Variants in GRM7 observed in about 807,000 individuals in gnomAD.
GRM7 encodes the protein metabotropic glutamate receptor 7.
A neutral mutation model predicts 84.5 loss-of-function variants in GRM7; 35 were observed. The ratio of observed to expected loss-of-function variants is 0.41; its 90% CI spans 0.32 to 0.55. The LOEUF (loss-of-function observed/expected upper bound fraction) is 0.55, where lower values mean the gene tolerates loss of function less well. GRM7 is among the 20% of genes least tolerant of loss of function. GRM7 has a pLI of 0.19. For missense variants in GRM7, 1,003 were observed against 1,194.6 expected (o/e 0.84, Z 2.36); for synonymous variants, 487 against 455.1 (o/e 1.07, Z -0.89).
At chr3:7,511,482 C>G (rs1013484379) in intron 7 of GRM7, among the ~76,000 whole-genome samples, 28 of 150,042 alleles carry the variant, frequency 1.9e-4, no homozygotes, top group Non-Finnish European at 3.5e-4. Context: ...TGCTTGCCAT[C>G]AAGATTGAGT....
intron 4 of GRM7, among the ~76,000 whole-genome samples, chr3:7,370,833 A>G (rs1694101820): frequency 6.6e-6 from 1 of 152,148 alleles, no homozygotes; most frequent in African/African-American, 2.4e-5. Context: ...TTCCTCTTCC[A>G]TTCCTCAGGC....
intron 2 of GRM7, among the ~76,000 whole-genome samples, chr3:7,181,118 C>G (rs542136783): frequency 2.0e-5 from 3 of 152,280 alleles, no homozygotes; most frequent in Non-Finnish European, 2.9e-5. Flanking sequence ...GAGAAGATTT[C>G]AAATGCTTTT....
intron 2 of GRM7, among the ~76,000 whole-genome samples, chr3:7,253,814 A>G (rs1698098686): frequency 6.6e-6 from 1 of 151,976 alleles, no homozygotes; most frequent in Non-Finnish European, 1.5e-5. Flanking sequence ...GGGCTTTTAA[A>G]CTGTTCTGAA....
At chr3:6,964,970 C>T (rs1234855052) in intron 1 of GRM7, among the ~76,000 whole-genome samples, 1 of 152,100 alleles carries the variant, frequency 6.6e-6, no homozygotes, top group East Asian at 1.9e-4. Context: ...TTTTATCTGG[C>T]CTTCATTTTC....
intron 8 of GRM7, among the ~76,000 whole-genome samples, chr3:7,584,032 C>T (rs181996612): frequency 6.6e-6 from 1 of 152,256 alleles, no homozygotes; most frequent in East Asian, 1.9e-4. Flanking sequence ...GGAGCTTCCA[C>T]TTAAGCTTCA....
chr3:7,097,899 G>A (rs1398250138), intron 1 of GRM7, among the ~76,000 whole-genome samples: 1 of 152,054 alleles, frequency 6.6e-6, no homozygotes. Flanking sequence ...CTTGCAGAAA[G>A]CTATAGGAAT....
At chr3:6,882,492 G>A (rs924556311) in intron 1 of GRM7, among the ~76,000 whole-genome samples, 3 of 151,934 alleles carry the variant, frequency 2.0e-5, no homozygotes, top group Non-Finnish European at 4.4e-5. Flanking sequence ...GCTGCCATGG[G>A]CTATAGTTGC....
At chr3:7,579,730 C>G (rs1695157979) in intron 8 of GRM7, among the ~76,000 whole-genome samples, 1 of 152,220 alleles carries the variant, frequency 6.6e-6, no homozygotes, top group Non-Finnish European at 1.5e-5. Flanking sequence ...ATAGTACCTT[C>G]TCCAGGTGGG....
intron 2 of GRM7, among the ~76,000 whole-genome samples, chr3:7,200,235 G>C (rs914855573): frequency 6.6e-6 from 1 of 152,108 alleles, no homozygotes; most frequent in Non-Finnish European, 1.5e-5. Flanking sequence ...CCTCCCACTA[G>C]GCCCTACCTC....
In GRM7 at chr3:7,462,509, C is replaced by T. The variant is rs145350216; in HGVS notation, c.1515+787C>T. On this transcript the variant is annotated intron_variant, in intron 7 of 9. Transcript: ENST00000357716. ...ATCACAGTCTCTCTCCTAGAAAAAT[C>T]CTTTAATGTCCTTTGTAAAGCAACA... 9.6e-4 allele frequency among the ~76,000 whole-genome samples: 146 copies of T among 152,300 alleles called. 1 individual carries two copies. Among genetic ancestry groups the T allele is most frequent in the East Asian group, 5.6e-3 (29 of 5,182 alleles).
chr3:7,740,318 G>T (rs753850437), intron 9 of GRM7, 39 bp from the exon 10 acceptor site: 18 of 1,352,120 alleles, frequency 1.3e-5, no homozygotes, highest in Middle Eastern at 1.8e-4. Flanking sequence ...TGCAAACAGG[G>T]TTATTACTGC....
intron 1 of GRM7, among the ~76,000 whole-genome samples, chr3:7,089,000 T>C (rs6804844): frequency 0.57 from 86,915 of 151,238 alleles, 27,147 homozygotes; most frequent in African/African-American, 0.84. Flanking sequence ...GCCCAGTTTC[T>C]TCCAACCAAA....
chr3:7,251,277 A>G (rs974357530), intron 2 of GRM7, among the ~76,000 whole-genome samples: 1 of 151,840 alleles, frequency 6.6e-6, no homozygotes, highest in African/African-American at 2.4e-5. Flanking sequence ...CAATGCAGGT[A>G]AAAGGGAAGT....
intron 2 of GRM7, among the ~76,000 whole-genome samples, chr3:7,179,308 C>T (rs931121237): frequency 1.3e-5 from 2 of 152,144 alleles, no homozygotes; most frequent in African/African-American, 4.8e-5. Flanking sequence ...ATTTAATTGT[C>T]CCCCTCCCAA....
At chr3:7,716,752 A>G (rs1489608300) in intron 9 of GRM7, among the ~76,000 whole-genome samples, 1 of 152,222 alleles carries the variant, frequency 6.6e-6, no homozygotes, top group Non-Finnish European at 1.5e-5. Context: ...TTTACAGGAC[A>G]TCAGTACAGT....
chr3:7,175,726 C>T (rs1239273977), intron 2 of GRM7, among the ~76,000 whole-genome samples: 2 of 152,028 alleles, frequency 1.3e-5, no homozygotes, highest in Non-Finnish European at 2.9e-5. Context: ...TTAGTAGAGA[C>T]ATGGTTTCAC....
At chr3:7,195,052 C>A (rs1179505674) in intron 2 of GRM7, among the ~76,000 whole-genome samples, 1 of 152,056 alleles carries the variant, frequency 6.6e-6, no homozygotes, top group Admixed American at 6.6e-5. Flanking sequence ...TAAATAAGTG[C>A]CTGATGTATG....
At chr3:7,449,306 T>G (rs979539488) in intron 5 of GRM7, among the ~76,000 whole-genome samples, 2 of 152,108 alleles carry the variant, frequency 1.3e-5, no homozygotes, top group African/African-American at 4.8e-5. Context: ...AGAAAAACTT[T>G]AAACACTATT....
At chr3:7,677,123 G>A (rs907206912) in intron 8 of GRM7, among the ~76,000 whole-genome samples, 4 of 151,708 alleles carry the variant, frequency 2.6e-5, no homozygotes, top group South Asian at 2.1e-4. Flanking sequence ...TTAGCCGGGC[G>A]CGGTGGCACG....
Sources: gnomAD v4.1 joint callset for allele counts (sites outside exome capture counted in the v4.1 genomes callset) on GRCh38, gnomAD v4.1.1 for gene constraint, MANE v1.5 for transcripts, NCBI Gene and HGNC (gene_info 2026-07-23, HGNC 2026-07-21) for gene names.